Variants in LMBRD2 observed in about 807,000 individuals in gnomAD.
LMBRD2 encodes LMBR1 domain containing 2, also known as G protein-coupled receptor-associated protein LMBRD2.
Under a neutral mutation model 94.4 loss-of-function variants are expected in LMBRD2, and 55 were observed. That is an observed-to-expected ratio of 0.58 (90% CI 0.47 to 0.73). The LOEUF (loss-of-function observed/expected upper bound fraction) is 0.73. LMBRD2 is among the 30% of genes least tolerant of loss of function. The pLI is 0.00. For missense variants in LMBRD2, 640 were observed against 831.9 expected (o/e 0.77, Z 2.84); for synonymous variants, 246 against 272.4 (o/e 0.90, Z 0.95).
chr5:36,104,352 G>A (rs1468115739), intron 17 of LMBRD2, among the ~76,000 whole-genome samples: 1 of 151,910 alleles, frequency 6.6e-6, no homozygotes, highest in African/African-American at 2.4e-5. Flanking sequence ...AAAAGAAGGG[G>A]GCAGGGGATG....
intron 3 of LMBRD2, 23 bp downstream of exon 3, chr5:36,142,479 A>AT (rs749141919): frequency 2.0e-5 from 27 of 1,366,300 alleles, no homozygotes; most frequent in Admixed American, 5.2e-5. Context: ...ATGTTTATAT[A>AT]TTTTTTTTAA....
chr5:36,137,218 T>G, intron 5 of LMBRD2, 56 bp downstream of exon 5: 1 of 1,199,574 alleles, frequency 8.3e-7, no homozygotes, highest in Admixed American at 2.4e-5. Context: ...TTAAAAATGA[T>G]TTTTTAAAAA....
Position 36,143,227 on chromosome 5 carries a change from A to G in LMBRD2, c.123T>C (p.Ala41=). The change falls in exon 2 of 18, where the codon GCT becomes GCC. Residue 41 remains alanine, a synonymous_variant. Coordinates refer to ENST00000296603, the MANE Select transcript of LMBRD2 (RefSeq NM_001007527.2). The stretch of plus-strand genomic sequence containing the variant: ...AGACAATAAGAAAGCAGAGATACCA[A>G]GCAAGCAGTGTTCCAATAATCACAA... The part of the protein sequence containing the change: ...HRLVIIGTLL[A]WYLCFLIVFI... The G allele has an allele frequency of 1.2e-6, 2 of 1,613,340 alleles. No homozygotes were observed. The highest frequency in any genetic ancestry group is 1.7e-6 in the Non-Finnish European group (2 of 1,179,352).
intron 5 of LMBRD2, 24 bp downstream of exon 5, chr5:36,137,250 T>C (rs368203675): frequency 2.5e-5 from 37 of 1,466,594 alleles, no homozygotes; most frequent in Non-Finnish European, 3.3e-5. Context: ...ATTAAAGCAA[T>C]GTTAAGAAGA....
At chr5:36,106,185 T>C (rs955331634) in intron 16 of LMBRD2, among the ~76,000 whole-genome samples, 48 of 152,172 alleles carry the variant, frequency 3.2e-4, no homozygotes, top group African/African-American at 1.1e-3. Context: ...TTCCACTCTA[T>C]GGTAAGCAAG....
chr5:36,150,123 T>C (rs564541081), intron 1 of LMBRD2, among the ~76,000 whole-genome samples: 1 of 152,280 alleles, frequency 6.6e-6, no homozygotes, highest in East Asian at 1.9e-4. Flanking sequence ...AAAAAAAAAT[T>C]ATTCCCATAT....
chr5:36,104,222 A>T, intron 17 of LMBRD2, 116 bp from the exon 18 acceptor site: 1 of 766,462 alleles, frequency 1.3e-6, no homozygotes. Context: ...TGTAAAATCT[A>T]GTCAGTAGCT....
In LMBRD2 at chr5:36,140,766, A is replaced by G. The variant is rs555357139; in HGVS notation, c.368+341T>C. Among the ~76,000 whole-genome samples, 6 of 152,372 alleles carry G rather than the reference A, an allele frequency of 3.9e-5. No individual in the cohort carries two copies. In the South Asian group the frequency reaches 1.2e-3, roughly 32 times the overall value. Reference sequence around the variant, plus strand: ...GAAATATTTCTTGTAGAAAATGGAAAGAAAGCAAACTAAAAAAAACAAAGA... The same window carrying G: ...GAAATATTTCTTGTAGAAAATGGAAGGAAAGCAAACTAAAAAAAACAAAGA... On this transcript the variant is annotated intron_variant, in intron 4 of 17. Transcript: ENST00000296603.
rs780257676 is a variant in LMBRD2 at position 36,143,204 on chromosome 5, A to T, written c.146T>A (p.Val49Asp). 1 of 1,612,214 alleles carries T rather than the reference A, an allele frequency of 6.2e-7. No homozygotes were observed. Among genetic ancestry groups the T allele is most frequent in the South Asian group, 1.1e-5 (1 of 90,834 alleles). Residue 49 changes from valine to aspartate, a missense_variant, in exon 2 of 18, where the codon GTC (valine) becomes GAC (aspartate). Around this residue, in one of 2 missense-constraint regions of LMBRD2, gnomAD observed 457 missense variants for 642.8 expected, o/e 0.71. Coordinates refer to ENST00000296603, the MANE Select transcript of LMBRD2 (RefSeq NM_001007527.2). Reference sequence around the variant, plus strand: ...ACTAACATCCAGAGGCAGTATGAAGACAATAAGAAAGCAGAGATACCAAGC... The same window carrying T: ...ACTAACATCCAGAGGCAGTATGAAGTCAATAAGAAAGCAGAGATACCAAGC... ...LLAWYLCFLIVFILPLDVSTT... is the reference protein window; with the variant it reads ...LLAWYLCFLIDFILPLDVSTT...
Position 36,122,369 on chromosome 5 carries a change from T to C in LMBRD2, c.1031A>G (p.Glu344Gly). 15 of 1,613,194 alleles carry C rather than the reference T, an allele frequency of 9.3e-6. No homozygotes were observed. The highest frequency in any genetic ancestry group is 2.2e-5 in the East Asian group (1 of 44,852). The change falls in exon 9 of 18, where the codon GAA (glutamate) becomes GGA (glycine). Residue 344 changes from glutamate to glycine, a missense_variant. Physicochemically the swap from Glu to Gly is moderately conservative, Grantham distance 98. Coordinates refer to ENST00000296603, the MANE Select transcript of LMBRD2 (RefSeq NM_001007527.2). ...AFYLEDVAKNETSATHQFVHT... is the reference protein window; with the variant it reads ...AFYLEDVAKNGTSATHQFVHT... ...AACAAACTGATGAGTAGCACTAGTT[T>C]CATTTTTTGCTACATCTTCTAGATA...
At chr5:36,125,335 G>C (rs1041530712) in intron 6 of LMBRD2, among the ~76,000 whole-genome samples, 1 of 152,144 alleles carries the variant, frequency 6.6e-6, no homozygotes, top group Non-Finnish European at 1.5e-5. Flanking sequence ...GAGTAGAGCA[G>C]GGTTTTAAGG....
At chr5:36,129,101 C>T (rs747096594) in intron 6 of LMBRD2, among the ~76,000 whole-genome samples, 3 of 151,952 alleles carry the variant, frequency 2.0e-5, no homozygotes, top group East Asian at 1.9e-4. Context: ...AAAGTGTCTA[C>T]GAAATCTAGA....
At position 36,098,780 on chromosome 5, in the gene LMBRD2, T is replaced by C. The variant is rs144697105; in HGVS notation, c.*5266A>G. 57 of 152,138 alleles carry C rather than the reference T, an allele frequency of 3.7e-4. No individual in the cohort carries two copies. The highest frequency in any genetic ancestry group is 1.3e-3 in the African/African-American group (55 of 41,534). The allele number at this position is 152,138 out of a possible 1,614,324, so 9.4% of individuals were successfully genotyped here. A position where few individuals can be genotyped will look rare whatever the true frequency, so the allele number is the denominator to read the frequency against. On this transcript the variant is annotated 3_prime_UTR_variant, in exon 18 of 18. Transcript: ENST00000296603. The stretch of plus-strand genomic sequence containing the variant: ...TTATAGGTAGCACTTTGCAGCTTTT[T>C]CCAAGTACATATTTGAAAATGTAGT...
At position 36,136,531 on chromosome 5, in the gene LMBRD2, A is replaced by C; in HGVS notation, c.537-12T>G. 6.2e-7 allele frequency: 1 copy of C among 1,603,384 alleles called. No individual in the cohort carries two copies. Among genetic ancestry groups the C allele is most frequent in the Non-Finnish European group, 8.5e-7 (1 of 1,170,300 alleles). On this transcript the variant is annotated splice_polypyrimidine_tract_variant and intron_variant, in intron 5 of 17. Transcript: ENST00000296603. Reference sequence around the variant, plus strand: ...TCTGAAGCTGGTTCCTAAGAAAGGGAAACAACAGATAATATGTATATTTTA... The same window carrying C: ...TCTGAAGCTGGTTCCTAAGAAAGGGCAACAACAGATAATATGTATATTTTA...
At chr5:36,111,371 T>C in intron 13 of LMBRD2, 113 bp from the exon 14 acceptor site, 1 of 741,810 alleles carries the variant, frequency 1.3e-6, no homozygotes, top group East Asian at 2.7e-5. Context: ...CATTATCTGT[T>C]ATCATATAGT....
At position 36,145,843 on chromosome 5, in the gene LMBRD2, G is replaced by T. The variant is rs867714898; in HGVS notation, c.-57-2437C>A. Among the ~76,000 whole-genome samples, 872 of 152,246 alleles carry T rather than the reference G, an allele frequency of 5.7e-3. 8 individuals are homozygous for T. The highest frequency in any genetic ancestry group is 0.02 in the African/African-American group (834 of 41,552). ...TAGTATAAGAAATAATGTTTGTTAAGATTATTTAATAACATCAGAAAATTA... is the reference window on the plus strand; with the variant it reads ...TAGTATAAGAAATAATGTTTGTTAATATTATTTAATAACATCAGAAAATTA... On this transcript the variant is annotated intron_variant, in intron 1 of 17. Transcript: ENST00000296603.
In LMBRD2 at chr5:36,112,704, T is replaced by C. The variant is rs1743641679; in HGVS notation, c.1641-1446A>G. Among the ~76,000 whole-genome samples, 4 of 152,182 alleles carry C rather than the reference T, an allele frequency of 2.6e-5. No individual in the cohort carries two copies. The South Asian group carries it at 6.2e-4, about 24-fold the overall frequency. Reference sequence around the variant, plus strand: ...TGCTTTCGGACATAGTGATTCCTTATAGCTAAGATTTTATAGTTGACAGAG... The same window carrying C: ...TGCTTTCGGACATAGTGATTCCTTACAGCTAAGATTTTATAGTTGACAGAG... On this transcript the variant is annotated intron_variant, in intron 13 of 17. Coordinates refer to ENST00000296603, the MANE Select transcript of LMBRD2 (RefSeq NM_001007527.2).
At chr5:36,135,648 T>G (rs1291172800) in intron 6 of LMBRD2, among the ~76,000 whole-genome samples, 1 of 152,138 alleles carries the variant, frequency 6.6e-6, no homozygotes, top group Admixed American at 6.5e-5. Flanking sequence ...GAGTAGCATA[T>G]TTTCCCTGGG....
chr5:36,121,760 G>A (rs1269376717), intron 9 of LMBRD2, among the ~76,000 whole-genome samples: 3 of 152,028 alleles, frequency 2.0e-5, no homozygotes, highest in Non-Finnish European at 4.4e-5. Flanking sequence ...TTACAATACT[G>A]CATTTTTACT....
Sources: gnomAD v4.1 joint callset for allele counts (sites outside exome capture counted in the v4.1 genomes callset) on GRCh38, gnomAD v4.1.1 for gene constraint, gnomAD v4.1.1 regional missense constraint, MANE v1.5 for transcripts, NCBI Gene and HGNC (gene_info 2026-07-23, HGNC 2026-07-21) for gene names.